LMO7: variants seen among roughly 807,000 people sequenced by gnomAD.
The protein encoded by LMO7 is LIM domain 7.
In LMO7, 120 loss-of-function variants were observed where a neutral mutation model predicts 206.5. That is an observed-to-expected ratio of 0.58 (90% CI 0.50 to 0.68). The LOEUF (loss-of-function observed/expected upper bound fraction) is 0.68, where lower values mean the gene tolerates loss of function less well. Ranked by LOEUF, LMO7 falls within the 30% of genes least tolerant of loss-of-function variation. The probability of loss-of-function intolerance (pLI) is 0.00; values close to 1 mark genes in which losing one functional copy is unlikely to be tolerated. For synonymous variants in LMO7, 706 were observed against 681.5 expected (o/e 1.04, Z -0.56); for missense variants, 1,959 against 1,957.9 (o/e 1.00, Z -0.01).
rs183788161 is a variant in LMO7, at chr13:75,791,211, G to C, written c.318-4190G>C. On this transcript the variant is annotated intron_variant, in intron 4 of 30. Transcript: ENST00000377534. ...CTTTGTATTCAGTCCTTTGAAGTTTGTACAAAGCACTTTGGTCTTTGTTTC... is the reference window on the plus strand; with the variant it reads ...CTTTGTATTCAGTCCTTTGAAGTTTCTACAAAGCACTTTGGTCTTTGTTTC... Among the ~76,000 whole-genome samples the C allele has an allele frequency of 3.2e-4, 48 of 152,200 alleles. 1 individual carries two copies. Among genetic ancestry groups the C allele is most frequent in the African/African-American group, 1.1e-3 (47 of 41,500 alleles).
intron 3 of LMO7, among the ~76,000 whole-genome samples, chr13:75,733,641 C>A (rs12866221): frequency 7.7e-5 from 4 of 52,106 alleles, no homozygotes; most frequent in Non-Finnish European, 7.9e-5. Flanking sequence ...CACTGTCCTG[C>A]GCCCACTGTC....
intron 1 of LMO7, among the ~76,000 whole-genome samples, chr13:75,649,747 G>A (rs1159816979): frequency 6.6e-6 from 1 of 152,104 alleles, no homozygotes; most frequent in Non-Finnish European, 1.5e-5. Context: ...CATATTAGAG[G>A]TAGAAGCCCT....
chr13:75,805,992 AG>A, intron 9 of LMO7: 3 of 1,135,856 alleles, frequency 2.6e-6, no homozygotes, highest in Non-Finnish European at 3.4e-6. Context: ...TATTTTTAGT[AG>A]TTCTGTTTTT....
At chr13:75,640,231 T>C (rs2036399231) in intron 1 of LMO7, among the ~76,000 whole-genome samples, 1 of 1,002 alleles carries the variant, frequency 1.0e-3, no homozygotes, top group South Asian at 0.017. Context: ...CCATAGTGAT[T>C]ACAGGTGTGA....
At chr13:75,799,324 A>G (rs1263086671) in intron 6 of LMO7, among the ~76,000 whole-genome samples, 1 of 152,208 alleles carries the variant, frequency 6.6e-6, no homozygotes, top group Non-Finnish European at 1.5e-5. Flanking sequence ...TACAACAAAT[A>G]CCCAGATATG....
Position 75,800,833 on chromosome 13 carries a change from G to A in LMO7, c.612G>A (p.Arg204=). Residue 204 remains arginine (R), a synonymous_variant, in exon 7 of 31, where the codon AGG becomes AGA. Transcript: ENST00000377534. The part of the protein sequence containing the change: ...SFESLDSLGS[R]SLTSCSSDIT... ...AAAGCTTGGACTCTTTGGGCTCGAG[G>A]TCATTGACAAGCTGCTCCTCTGATA... 1 of 1,614,032 alleles carries A rather than the reference G, an allele frequency of 6.2e-7. No homozygotes were observed.
intron 1 of LMO7, among the ~76,000 whole-genome samples, chr13:75,669,824 A>G (rs2039394877): frequency 6.6e-6 from 1 of 152,024 alleles, no homozygotes; most frequent in Non-Finnish European, 1.5e-5. Flanking sequence ...AGCAGCTTTT[A>G]TTGTTACTCT....
chr13:75,848,608 G>T (rs563215452), intron 26 of LMO7, among the ~76,000 whole-genome samples: 1 of 126,804 alleles, frequency 7.9e-6, no homozygotes, highest in South Asian at 2.9e-4. Context: ...TTCCTCCTGG[G>T]TGGATACCCA....
intron 2 of LMO7, among the ~76,000 whole-genome samples, chr13:75,630,281 G>C (rs1271365945): frequency 6.6e-6 from 1 of 152,008 alleles, no homozygotes. Flanking sequence ...TTTTATTTTT[G>C]TATCATACAG....
In LMO7 at chr13:75,708,538, G is replaced by A. The variant is rs116581470; in HGVS notation, c.70-4644G>A. Among the ~76,000 whole-genome samples the A allele has an allele frequency of 5.4e-3, 817 of 152,320 alleles. 6 individuals are homozygous for A. Among genetic ancestry groups the A allele is most frequent in the African/African-American group, 0.019 (785 of 41,560 alleles). On this transcript the variant is annotated intron_variant, in intron 1 of 30. Transcript: ENST00000377534. ...AGAGAGAATGGGCTTTAGCATCTGCGTTGGATGTTTCTGGGCCTATTTCAT... is the reference window on the plus strand; with the variant it reads ...AGAGAGAATGGGCTTTAGCATCTGCATTGGATGTTTCTGGGCCTATTTCAT...
intron 1 of LMO7, among the ~76,000 whole-genome samples, chr13:75,663,120 A>G (rs901408124): frequency 2.0e-5 from 3 of 151,870 alleles, no homozygotes; most frequent in African/African-American, 7.3e-5. Flanking sequence ...AATTAAATGT[A>G]TAAGTTTTTT....
chr13:75,689,567 C>T (rs1039527808), intron 1 of LMO7, among the ~76,000 whole-genome samples: 2 of 152,108 alleles, frequency 1.3e-5, no homozygotes, highest in Non-Finnish European at 2.9e-5. Flanking sequence ...GAGACAGACC[C>T]ACCCTCAATC....
intron 3 of LMO7, among the ~76,000 whole-genome samples, chr13:75,727,710 G>T (rs2044617896): frequency 2.0e-5 from 3 of 151,624 alleles, no homozygotes; most frequent in African/African-American, 7.3e-5. Flanking sequence ...GTGCCATGCT[G>T]GTGTGCTGCA....
At chr13:75,729,206 AT>A (rs1188491528) in intron 3 of LMO7, among the ~76,000 whole-genome samples, 5 of 148,996 alleles carry the variant, frequency 3.4e-5, no homozygotes, top group Non-Finnish European at 7.5e-5. Context: ...GAATCTATAA[AT>A]TACCTTGGGC....
chr13:75,754,918 G>T (rs1475103865), intron 3 of LMO7, among the ~76,000 whole-genome samples: 1 of 152,210 alleles, frequency 6.6e-6, no homozygotes, highest in African/African-American at 2.4e-5. Context: ...ATAGAGAAGA[G>T]TTAAGATTCC....
chr13:75,755,099 G>A lies in LMO7; in HGVS notation c.211-5833G>A, dbSNP rs142788479. On this transcript the variant is annotated intron_variant, in intron 3 of 30. Coordinates refer to ENST00000377534, the MANE Select transcript of LMO7 (RefSeq NM_001306080.2). Reference sequence around the variant, plus strand: ...AAGGGTCAGGGGAGTGGTAGCTTTGGCAGGACTGATAGGAGGCTTGAGTAG... The same window carrying A: ...AAGGGTCAGGGGAGTGGTAGCTTTGACAGGACTGATAGGAGGCTTGAGTAG... Among the ~76,000 whole-genome samples, 679 of 152,114 alleles carry A rather than the reference G, an allele frequency of 4.5e-3. 2 individuals carry two copies. The highest frequency in any genetic ancestry group is 0.014 in the Middle Eastern group (4 of 294).
intron 1 of LMO7, among the ~76,000 whole-genome samples, chr13:75,667,221 G>A (rs1386493789): frequency 6.6e-6 from 1 of 151,966 alleles, no homozygotes; most frequent in Non-Finnish European, 1.5e-5. Context: ...AGTTTTCAGT[G>A]GTATGACTGA....
chr13:75,809,404 C>A (rs2056000223), intron 11 of LMO7, among the ~76,000 whole-genome samples: 1 of 147,490 alleles, frequency 6.8e-6, no homozygotes, highest in Non-Finnish European at 1.5e-5. Context: ...ATTTAAACTT[C>A]AGCTTCATCC....
intron 1 of LMO7, among the ~76,000 whole-genome samples, chr13:75,654,599 C>G (rs1679816342): frequency 6.6e-6 from 1 of 152,080 alleles, no homozygotes; most frequent in African/African-American, 2.4e-5. Context: ...ACAAAACAAC[C>G]AGCATAGAAT....
Sources: gnomAD v4.1 joint callset for allele counts (sites outside exome capture counted in the v4.1 genomes callset) on GRCh38, gnomAD v4.1.1 for gene constraint, MANE v1.5 for transcripts, NCBI Gene and HGNC (gene_info 2026-07-23, HGNC 2026-07-21) for gene names.